The following SCN11A variants were observed in gnomAD, a reference collection of about 807,000 sequenced individuals.
SCN11A encodes the protein sodium channel protein type 11 subunit alpha.
SCN11A carries 122 observed loss-of-function variants against 162.2 expected under a neutral mutation model. The ratio of observed to expected loss-of-function variants is 0.75; its 90% CI spans 0.65 to 0.87. SCN11A has a LOEUF of 0.87. Among genes scored for constraint, SCN11A ranks in the 40% least tolerant of loss-of-function variants. The pLI, the probability that SCN11A is intolerant of heterozygous loss-of-function variation, is 0.00. For synonymous variants in SCN11A, 758 were observed against 751.5 expected, an observed-to-expected ratio of 1.01 and a Z score of -0.14; for missense variants, 2,015 against 2,181.6, an observed-to-expected ratio of 0.92 and a Z score of 1.52.
chr3:38,963,572 T>C (rs1268134242), intron 2 of SCN11A, among the ~76,000 whole-genome samples: 2 of 151,450 alleles, frequency 1.3e-5, no homozygotes, highest in African/African-American at 4.8e-5. Context: ...TAACAGCTTT[T>C]GCAGTGACCT....
intron 2 of SCN11A, among the ~76,000 whole-genome samples, chr3:39,025,641 T>C (rs1046356448): frequency 2.0e-5 from 3 of 152,256 alleles, no homozygotes; most frequent in East Asian, 1.9e-4. Flanking sequence ...TTATAATTAG[T>C]GTGTAAGGAG....
At chr3:39,046,151 T>G (rs2032175960) in intron 1 of SCN11A, among the ~76,000 whole-genome samples, 1 of 152,078 alleles carries the variant, frequency 6.6e-6, no homozygotes, top group African/African-American at 2.4e-5. Context: ...TCTCAGCTAC[T>G]CAGGAAGCTG....
intron 15 of SCN11A, 135 bp downstream of exon 15, chr3:38,905,057 C>T: frequency 8.9e-7 from 1 of 1,125,468 alleles, no homozygotes; most frequent in Admixed American, 2.0e-5. Context: ...AAGGAAGTCA[C>T]TCTTTGCAGG....
At chr3:38,885,434 T>C (rs772574297) in intron 20 of SCN11A, 32 bp from the exon 21 acceptor site, 1 of 1,186,024 alleles carries the variant, frequency 8.4e-7, no homozygotes, top group East Asian at 2.3e-5. Context: ...AGGGGGTGCC[T>C]TTTACTAAGA....
At chr3:38,864,704 GAAAC>G (rs760394815) in intron 27 of SCN11A, among the ~76,000 whole-genome samples, 13 of 152,218 alleles carry the variant, frequency 8.5e-5, no homozygotes, top group African/African-American at 1.7e-4. Context: ...TTCCCACAAA[GAAAC>G]AAACAGTTTT....
intron 1 of SCN11A, among the ~76,000 whole-genome samples, chr3:39,046,781 T>G: frequency 6.6e-6 from 1 of 152,192 alleles, no homozygotes; most frequent in East Asian, 1.9e-4. Flanking sequence ...AGTGCAATGA[T>G]GTGATCTCTG....
At chr3:39,006,184 A>G (rs2030969000) in intron 2 of SCN11A, among the ~76,000 whole-genome samples, 1 of 152,164 alleles carries the variant, frequency 6.6e-6, no homozygotes, top group Non-Finnish European at 1.5e-5. Context: ...TTTTCCCTTT[A>G]TCCTTTACAT....
chr3:39,012,020 A>G (rs2031154185), intron 2 of SCN11A, among the ~76,000 whole-genome samples: 1 of 152,230 alleles, frequency 6.6e-6, no homozygotes, highest in Non-Finnish European at 1.5e-5. Flanking sequence ...TGAGATTTAC[A>G]AATTAAATAA....
At chr3:38,984,287 C>G (rs375389144) in intron 2 of SCN11A, among the ~76,000 whole-genome samples, 1 of 152,202 alleles carries the variant, frequency 6.6e-6, no homozygotes, top group African/African-American at 2.4e-5. Flanking sequence ...TATCTGCCTC[C>G]TTCTGGCTCT....
rs141158768 is a variant in SCN11A at position 38,907,310 on chromosome 3, A to ATGTGTGTGTGTGTGTGTGTG, written c.1473+619_1473+638dup. ...AGTTGGTATATATATACCAACATAT[A>ATGTGTGTGTGTGTGTGTGTG]TGTGTGTGTGTGTGTGTGTGTGTGT... On this transcript the variant is annotated intron_variant, in intron 14 of 29. Coordinates refer to ENST00000302328, the MANE Select transcript of SCN11A (RefSeq NM_001349253.2). Among the ~76,000 whole-genome samples the ATGTGTGTGTGTGTGTGTGTG allele has an allele frequency of 3.3e-3, 388 of 119,208 alleles. 3 individuals carry two copies. The highest frequency in any genetic ancestry group is 0.02 in the Admixed American group (250 of 12,304). The allele number at this position is 119,208 out of a possible 152,430, so 78.2% of individuals were successfully genotyped here.
chr3:39,016,419 A>G (rs1045175424), intron 2 of SCN11A, among the ~76,000 whole-genome samples: 2 of 152,084 alleles, frequency 1.3e-5, no homozygotes, highest in South Asian at 2.1e-4. Flanking sequence ...AAACAATTCA[A>G]TTTCTGATGT....
intron 28 of SCN11A, among the ~76,000 whole-genome samples, chr3:38,852,655 C>T (rs1304308491): frequency 2.6e-5 from 4 of 152,140 alleles, no homozygotes; most frequent in South Asian, 2.1e-4. Context: ...AAATGAAATG[C>T]ATCAATGCTC....
At chr3:38,889,101 A>T (rs2065450910) in intron 19 of SCN11A, among the ~76,000 whole-genome samples, 1 of 152,170 alleles carries the variant, frequency 6.6e-6, no homozygotes, top group African/African-American at 2.4e-5. Flanking sequence ...TTAAATGCTT[A>T]CATTAAAAAA....
chr3:38,922,753 A>T (rs1441070570), intron 9 of SCN11A, among the ~76,000 whole-genome samples: 1 of 152,226 alleles, frequency 6.6e-6, no homozygotes, highest in Non-Finnish European at 1.5e-5. Context: ...TTTCTTTATC[A>T]CTATTCAGTT....
intron 23 of SCN11A, among the ~76,000 whole-genome samples, chr3:38,872,952 G>GA (rs1406487097): frequency 6.6e-6 from 1 of 152,052 alleles, no homozygotes. Context: ...AAGTTACATG[G>GA]AAAAAATAAA....
chr3:38,963,395 T>G (rs1439483033), intron 2 of SCN11A, among the ~76,000 whole-genome samples: 14 of 54,542 alleles, frequency 2.6e-4, no homozygotes, highest in African/African-American at 4.9e-4. Flanking sequence ...ATGATGGAGA[T>G]ATATATATAT....
intron 2 of SCN11A, among the ~76,000 whole-genome samples, chr3:38,989,856 A>G (rs1288189024): frequency 1.3e-5 from 2 of 148,912 alleles, no homozygotes; most frequent in Non-Finnish European, 3.0e-5. Context: ...TCCCCCGTCC[A>G]CCCCACCCCC....
chr3:38,909,317 T>A (rs1012389258), intron 12 of SCN11A, 123 bp from the exon 13 acceptor site: 13 of 798,060 alleles, frequency 1.6e-5, no homozygotes, highest in Admixed American at 2.3e-5. Flanking sequence ...GTGGGCTCAG[T>A]TGACCACAGA....
chr3:38,911,612 T>C (rs1301993219), intron 11 of SCN11A, among the ~76,000 whole-genome samples: 1 of 152,176 alleles, frequency 6.6e-6, no homozygotes, highest in Non-Finnish European at 1.5e-5. Flanking sequence ...ATCAGTGCTC[T>C]AGTTGTAGAA....
Sources: allele counts gnomAD v4.1 joint callset (sites outside exome capture counted in the v4.1 genomes callset), GRCh38; gene constraint gnomAD v4.1.1; transcripts MANE v1.5; gene names NCBI Gene and HGNC (gene_info 2026-07-23, HGNC 2026-07-21).